STK32B: variants seen among roughly 807,000 people sequenced by gnomAD.
STK32B encodes the protein serine/threonine kinase 32B.
A neutral mutation model predicts 52.6 loss-of-function variants in STK32B; 43 were observed. That is an observed-to-expected ratio of 0.82 (90% confidence interval 0.64 to 1.05). The LOEUF is 1.05. Ranked by LOEUF, STK32B falls within the 50% of genes least tolerant of loss-of-function variation. The pLI, the probability that STK32B is intolerant of heterozygous loss-of-function variation, is 0.00. For missense variants in STK32B, 621 were observed against 534.6 expected, an observed-to-expected ratio of 1.16 and a Z score of -1.59; for synonymous variants, 238 against 204.3, an observed-to-expected ratio of 1.17 and a Z score of -1.41.
At chr4:5,126,659 A>G (rs1291514159) in intron 1 of STK32B, among the ~76,000 whole-genome samples, 1 of 152,252 alleles carries the variant, frequency 6.6e-6, no homozygotes, top group East Asian at 1.9e-4. Flanking sequence ...TGACAGCGCC[A>G]GGTGAGATAG....
intron 3 of STK32B, among the ~76,000 whole-genome samples, chr4:5,177,293 A>G (rs1577146980): frequency 6.6e-6 from 1 of 152,274 alleles, no homozygotes; most frequent in South Asian, 2.1e-4. Flanking sequence ...GCCAGTGGGG[A>G]AAATGTCAGA....
rs1720555110 is a variant in STK32B at position 5,499,316 on chromosome 4, G to A, written c.*233G>A. 3 of 446,910 alleles carry A rather than the reference G, an allele frequency of 6.7e-6. No individual in the cohort carries two copies. The highest frequency in any genetic ancestry group is 8.1e-5 in the South Asian group (1 of 12,324). 27.7% of individuals were successfully genotyped at this position (446,910 alleles called of 1,614,324 possible). ...GCCTCCGTTTTCTGCATCTGCCAAAGGGGTTAAACACTTCTGCCCCACTTC... is the reference window on the plus strand; with the variant it reads ...GCCTCCGTTTTCTGCATCTGCCAAAAGGGTTAAACACTTCTGCCCCACTTC... On this transcript the variant is annotated 3_prime_UTR_variant, in exon 12 of 12. Coordinates refer to ENST00000282908, the MANE Select transcript of STK32B (RefSeq NM_018401.3).
At chr4:5,044,209 G>A in the STK32B span, among the ~76,000 whole-genome samples, 1 of 151,908 alleles carries the variant, frequency 6.6e-6, no homozygotes, top group Non-Finnish European at 1.5e-5. Flanking sequence ...CCATCTCCCT[G>A]GCCTCTTCCT....
At chr4:5,272,522 A>C (rs1727513748) in intron 3 of STK32B, among the ~76,000 whole-genome samples, 2 of 150,502 alleles carry the variant, frequency 1.3e-5, no homozygotes, top group South Asian at 4.3e-4. Context: ...GGCCTCATAA[A>C]ATGAGTTAGG....
intron 3 of STK32B, among the ~76,000 whole-genome samples, chr4:5,226,631 A>G (rs1477868582): frequency 2.6e-5 from 4 of 152,212 alleles, no homozygotes. Context: ...AGAGTTTTTC[A>G]ATCCTTATTT....
chr4:5,443,546 T>G (rs1323691709), intron 6 of STK32B, among the ~76,000 whole-genome samples: 1 of 152,216 alleles, frequency 6.6e-6, no homozygotes, highest in African/African-American at 2.4e-5. Flanking sequence ...GCCTTTGGTT[T>G]GAATGTCCTC....
chr4:5,472,146 T>G (rs900636833), intron 11 of STK32B, among the ~76,000 whole-genome samples: 1 of 152,182 alleles, frequency 6.6e-6, no homozygotes, highest in Non-Finnish European at 1.5e-5. Flanking sequence ...ACAAATGCAT[T>G]CAGTCATTTG....
chr4:5,205,693 G>GGCGCGCGCGC (rs141563923), intron 3 of STK32B, among the ~76,000 whole-genome samples: 1 of 68,148 alleles, frequency 1.5e-5, no homozygotes, highest in Non-Finnish European at 4.5e-5. Context: ...TTCTAGACCA[G>GGCGCGCGCGC]GCGCGCGCGC....
chr4:5,325,528 C>T (rs1338302994), intron 3 of STK32B, among the ~76,000 whole-genome samples: 1 of 152,018 alleles, frequency 6.6e-6, no homozygotes, highest in African/African-American at 2.4e-5. Context: ...CTTTGTCTTC[C>T]TTATTTTTAA....
chr4:5,079,558 T>G (rs1460999898), intron 1 of STK32B, among the ~76,000 whole-genome samples: 1 of 152,204 alleles, frequency 6.6e-6, no homozygotes, highest in African/African-American at 2.4e-5. Context: ...GTTATTACTA[T>G]GTGTCTAAAA....
Position 5,054,522 on chromosome 4 carries a change from T to C in STK32B, c.52+2607T>C, listed in dbSNP as rs1324550543. 8.7e-5 allele frequency among the ~76,000 whole-genome samples: 12 copies of C among 138,358 alleles called. No individual in the cohort carries two copies. The South Asian group carries it at 3.0e-3, about 35-fold the overall frequency. The allele number at this position is 138,358 out of a possible 152,430, so 90.8% of individuals were successfully genotyped here. Reference sequence around the variant, plus strand: ...GTAAGCCTGGCTCATGTGGGGGGATTGAGGGGGCTTAGTACTCCTGCATTG... The same window carrying C: ...GTAAGCCTGGCTCATGTGGGGGGATCGAGGGGGCTTAGTACTCCTGCATTG... On this transcript the variant is annotated intron_variant, in intron 1 of 11. Transcript: ENST00000282908.
At position 5,182,768 on chromosome 4, in the gene STK32B, A is replaced by G. The variant is rs111837382; in HGVS notation, c.260+14318A>G. The stretch of plus-strand genomic sequence containing the variant: ...GCCACTGCGCCCAGCCCCAAAATGT[A>G]CTTCTTAAATAATAAGATGTGAAGG... On this transcript the variant is annotated intron_variant, in intron 3 of 11. Transcript: ENST00000282908. Among the ~76,000 whole-genome samples, 424 of 152,080 alleles carry G rather than the reference A, an allele frequency of 2.8e-3. 1 individual carries two copies. The highest frequency in any genetic ancestry group is 0.024 in the Middle Eastern group (7 of 292).
rs3733182 is a variant in STK32B, at chr4:5,446,702, A to G, written c.592A>G (p.Arg198Gly). The G allele has an allele frequency of 0.14, 221,738 of 1,613,782 alleles. 20,680 individuals carry two copies. Among genetic ancestry groups the G allele is most frequent in the East Asian group, 0.5 (22,487 of 44,834 alleles). Reference sequence around the variant, plus strand: ...AGAAGTATTCCAGGTGTACATGGACAGAGGCCCCGGATACTCGTACCCTGT... The same window carrying G: ...AGAAGTATTCCAGGTGTACATGGACGGAGGCCCCGGATACTCGTACCCTGT... ...APEVFQVYMD[R>G]GPGYSYPVDW... Residue 198 changes from arginine (R) to glycine (G), a missense_variant, in exon 7 of 12, where the codon AGA becomes GGA. Physicochemically the swap from Arg to Gly is moderately radical, Grantham distance 125. Coordinates refer to ENST00000282908, the MANE Select transcript of STK32B (RefSeq NM_018401.3).
intron 4 of STK32B, among the ~76,000 whole-genome samples, chr4:5,359,350 T>C (rs1295545824): frequency 6.6e-6 from 1 of 151,706 alleles, no homozygotes; most frequent in African/African-American, 2.4e-5. Context: ...CATCCACCCA[T>C]CCATCCACTC....
chr4:5,435,250 T>C (rs1713953228), intron 6 of STK32B, among the ~76,000 whole-genome samples: 2 of 152,256 alleles, frequency 1.3e-5, no homozygotes. Context: ...ATTGTATTCA[T>C]TTATAATCTA....
rs374665885 is a variant in STK32B at position 5,498,934 on chromosome 4, C to T, written c.1107-11C>T. ...GCCGCACCACTAACTCAGATCTGTG[C>T]TTGTTTGCAGGCTCAGGAGGCAGCA... On this transcript the variant is annotated splice_polypyrimidine_tract_variant and intron_variant, in intron 11 of 11. Transcript: ENST00000282908. 3.8e-5 allele frequency: 61 copies of T among 1,610,164 alleles called. 1 individual carries two copies. The African/African-American group carries it at 6.0e-4, about 16-fold the overall frequency.
At chr4:5,097,028 C>T (rs1042934675) in intron 1 of STK32B, among the ~76,000 whole-genome samples, 1 of 152,230 alleles carries the variant, frequency 6.6e-6, no homozygotes, top group Non-Finnish European at 1.5e-5. Context: ...ATCCAACTCA[C>T]AAGAGGCAGA....
chr4:5,457,179 A>G (rs1322635869), intron 8 of STK32B, among the ~76,000 whole-genome samples: 5 of 151,018 alleles, frequency 3.3e-5, no homozygotes, highest in Admixed American at 1.3e-4. Flanking sequence ...AGCTCCTAAT[A>G]AACGGAAATA....
chr4:5,260,105 G>T (rs13123208), intron 3 of STK32B, among the ~76,000 whole-genome samples: 1 of 151,736 alleles, frequency 6.6e-6, no homozygotes, highest in South Asian at 2.1e-4. Flanking sequence ...ACACGTGCAC[G>T]CACACACACA....
Sources: allele counts gnomAD v4.1 joint callset (sites outside exome capture counted in the v4.1 genomes callset), GRCh38; gene constraint gnomAD v4.1.1; transcripts MANE v1.5; gene names NCBI Gene and HGNC (gene_info 2026-07-23, HGNC 2026-07-21).